Variants in LRMDA observed in about 807,000 individuals in gnomAD.
LRMDA encodes the protein leucine-rich melanocyte differentiation-associated protein.
Under a neutral mutation model 29.8 loss-of-function variants are expected in LRMDA, and 18 were observed. The observed-to-expected ratio is 0.60, with a 90% CI of 0.42 to 0.90. The LOEUF (loss-of-function observed/expected upper bound fraction) is 0.90. Among genes scored for constraint, LRMDA ranks in the 40% least tolerant of loss-of-function variants. LRMDA has a pLI of 0.00. For synonymous variants in LRMDA, 125 were observed against 109.4 expected (o/e 1.14, Z -0.89); for missense variants, 273 against 273.9 (o/e 1.00, Z 0.02).
chr10:75,482,902 A>G (rs1167397656), intron 2 of LRMDA, among the ~76,000 whole-genome samples: 1 of 152,198 alleles, frequency 6.6e-6, no homozygotes, highest in Non-Finnish European at 1.5e-5. Flanking sequence ...CGAAGCAAAA[A>G]TATGTTAATC....
chr10:75,915,610 T>A (rs2132382182), intron 2 of LRMDA, among the ~76,000 whole-genome samples: 1 of 152,276 alleles, frequency 6.6e-6, no homozygotes, highest in Admixed American at 6.5e-5. Context: ...CTTATCCAGA[T>A]CACAGTTTGT....
intron 5 of LRMDA, among the ~76,000 whole-genome samples, chr10:76,131,466 G>C (rs534941998): frequency 6.6e-6 from 1 of 152,122 alleles, no homozygotes; most frequent in Non-Finnish European, 1.5e-5. Flanking sequence ...TTTTATGTTT[G>C]AATCTTGTAT....
chr10:75,927,642 CTG>C (rs1434923346), intron 2 of LRMDA, among the ~76,000 whole-genome samples: 1 of 152,208 alleles, frequency 6.6e-6, no homozygotes, highest in Non-Finnish European at 1.5e-5. Flanking sequence ...CAAAATGAGA[CTG>C]TAATCAAGTG....
chr10:76,503,883 T>C (rs886811073), intron 6 of LRMDA, among the ~76,000 whole-genome samples: 2 of 134,774 alleles, frequency 1.5e-5, no homozygotes, highest in Non-Finnish European at 3.2e-5. Flanking sequence ...GGGTTGGTTC[T>C]TTTTTTTTTT....
intron 2 of LRMDA, among the ~76,000 whole-genome samples, chr10:75,958,723 T>C (rs1447523173): frequency 6.6e-6 from 1 of 152,214 alleles, no homozygotes; most frequent in East Asian, 1.9e-4. Flanking sequence ...TTGGAGAGTG[T>C]ATTAGTCCGT....
chr10:76,010,279 A>C (rs1482181798), intron 2 of LRMDA, among the ~76,000 whole-genome samples: 1 of 149,788 alleles, frequency 6.7e-6, no homozygotes, highest in Admixed American at 6.6e-5. Flanking sequence ...CAGGTCCATG[A>C]TGGTGTTTAG....
At chr10:75,705,890 T>C (rs998411556) in intron 2 of LRMDA, among the ~76,000 whole-genome samples, 5 of 152,254 alleles carry the variant, frequency 3.3e-5, no homozygotes, top group Non-Finnish European at 1.5e-5. Context: ...TTAAAAATCA[T>C]TTTTTAAATT....
intron 2 of LRMDA, among the ~76,000 whole-genome samples, chr10:75,734,936 T>C (rs1257100722): frequency 1.3e-5 from 2 of 152,258 alleles, no homozygotes; most frequent in African/African-American, 4.8e-5. Flanking sequence ...GTGATGCTCC[T>C]GATCCTCTCA....
intron 5 of LRMDA, among the ~76,000 whole-genome samples, chr10:76,199,137 A>G (rs1851382592): frequency 6.6e-6 from 1 of 152,166 alleles, no homozygotes; most frequent in Non-Finnish European, 1.5e-5. Flanking sequence ...TACAGATGTC[A>G]TCTGTGTCGT....
In LRMDA at chr10:75,797,730, G is replaced by A. The variant is rs76853674; in HGVS notation, c.132-238278G>A. Among the ~76,000 whole-genome samples the A allele has an allele frequency of 1.6e-3, 244 of 152,160 alleles. 2 individuals carry two copies. The highest frequency in any genetic ancestry group is 5.7e-3 in the African/African-American group (235 of 41,504). On this transcript the variant is annotated intron_variant, in intron 2 of 6. Transcript: ENST00000611255. ...TGTGGCATGTATCAGTATTCTGTTC[G>A]CTTTTATTGCTCCATAGTGTTTTAT... is the stretch of plus-strand genomic sequence containing the variant.
chr10:76,271,100 A>G (rs1245176245), intron 5 of LRMDA, among the ~76,000 whole-genome samples: 2 of 152,234 alleles, frequency 1.3e-5, no homozygotes, highest in East Asian at 1.9e-4. Flanking sequence ...GTTTTACTAC[A>G]GATCCATATG....
chr10:75,888,680 A>T (rs1845432067), intron 2 of LRMDA, among the ~76,000 whole-genome samples: 1 of 152,218 alleles, frequency 6.6e-6, no homozygotes, highest in Non-Finnish European at 1.5e-5. Flanking sequence ...ATTAACACCC[A>T]CTTGATTATT....
intron 2 of LRMDA, among the ~76,000 whole-genome samples, chr10:75,681,654 G>C (rs1244801829): frequency 6.6e-6 from 1 of 152,158 alleles, no homozygotes; most frequent in African/African-American, 2.4e-5. Flanking sequence ...AGCACACTTA[G>C]GGCCTCTGCG....
intron 6 of LRMDA, among the ~76,000 whole-genome samples, chr10:76,343,491 T>C (rs1841066031): frequency 6.6e-6 from 1 of 152,200 alleles, no homozygotes; most frequent in Admixed American, 6.5e-5. Flanking sequence ...TTTATTTACT[T>C]TTTTTAGTAG....
At chr10:75,968,858 G>A (rs763037058) in intron 2 of LRMDA, among the ~76,000 whole-genome samples, 95 of 152,200 alleles carry the variant, frequency 6.2e-4, no homozygotes, top group Non-Finnish European at 1.3e-3. Context: ...CTAGAACCTT[G>A]AGGGTACTAT....
At chr10:75,558,720 C>T (rs1203896991) in intron 2 of LRMDA, among the ~76,000 whole-genome samples, 1 of 149,600 alleles carries the variant, frequency 6.7e-6, no homozygotes, top group South Asian at 2.2e-4. Flanking sequence ...TGTGATGTTC[C>T]CCTTCCTGTG....
chr10:76,396,114 A>T (rs2132489981), intron 6 of LRMDA, among the ~76,000 whole-genome samples: 1 of 152,324 alleles, frequency 6.6e-6, no homozygotes, highest in Non-Finnish European at 1.5e-5. Flanking sequence ...TTTTGATTGA[A>T]GATGATGGCT....
At chr10:76,543,297 A>T (rs1843379355) in intron 6 of LRMDA, among the ~76,000 whole-genome samples, 1 of 147,006 alleles carries the variant, frequency 6.8e-6, no homozygotes, top group African/African-American at 2.5e-5. Context: ...TGGAGAATTT[A>T]GTTGTTATTG....
intron 2 of LRMDA, among the ~76,000 whole-genome samples, chr10:75,554,962 G>A (rs528909230): frequency 5.9e-5 from 9 of 152,308 alleles, no homozygotes; most frequent in Non-Finnish European, 1.5e-5. Flanking sequence ...CAGCCAGGGT[G>A]GAGTGGATTC....
Sources: allele counts gnomAD v4.1 joint callset (sites outside exome capture counted in the v4.1 genomes callset), GRCh38; gene constraint gnomAD v4.1.1; transcripts MANE v1.5; gene names NCBI Gene and HGNC (gene_info 2026-07-23, HGNC 2026-07-21).